Variants in TMEM41A observed in about 807,000 individuals in gnomAD.
The protein encoded by TMEM41A is transmembrane protein 41A.
Under a neutral mutation model 25.7 loss-of-function variants are expected in TMEM41A, and 20 were observed. The observed-to-expected ratio is 0.78, with a 90% confidence interval of 0.55 to 1.13. The LOEUF is 1.13. TMEM41A is among the 50% of genes most tolerant of loss of function. The pLI, the probability that TMEM41A is intolerant of heterozygous loss-of-function variation, is 0.00. For synonymous variants in TMEM41A, 133 were observed against 139.6 expected (o/e 0.95, Z 0.33); for missense variants, 299 against 314.3 (o/e 0.95, Z 0.37).
intron 2 of TMEM41A, chr3:185,496,276 C>T (rs375139805): frequency 5.7e-6 from 1 of 175,680 alleles, no homozygotes; most frequent in Non-Finnish European, 1.3e-5. Flanking sequence ...ACTACATGTC[C>T]TGTGTAATCC....
At position 185,491,482 on chromosome 3, in the gene TMEM41A, T is replaced by A; in HGVS notation, c.*55A>T. 1 of 1,425,442 alleles carries A rather than the reference T, an allele frequency of 7.0e-7. No individual in the cohort carries two copies. The highest frequency in any genetic ancestry group is 1.7e-5 in the Admixed American group (1 of 59,016). The allele number at this position is 1,425,442 out of a possible 1,614,324, so 88.3% of individuals were successfully genotyped here. A position where few individuals can be genotyped will look rare whatever the true frequency, so the allele number is the denominator to read the frequency against. On this transcript the variant is annotated 3_prime_UTR_variant, in exon 5 of 5. Coordinates refer to ENST00000421852, the MANE Select transcript of TMEM41A (RefSeq NM_080652.4). ...CAATGAGGGGCTTTAGAGGACCACA[T>A]CCATTACACAAATAAGCAACTGAGT... is the stretch of plus-strand genomic sequence containing the variant.
At chr3:185,498,133 C>T (rs1396429857) in intron 1 of TMEM41A, among the ~76,000 whole-genome samples, 1 of 136,738 alleles carries the variant, frequency 7.3e-6, no homozygotes, top group Non-Finnish European at 1.5e-5. Context: ...GCCGTGGTGG[C>T]GCGCGCCTGT....
chr3:185,494,886 C>A (rs9842763), intron 3 of TMEM41A, 125 bp from the exon 4 acceptor site: 12 of 1,223,064 alleles, frequency 9.8e-6, no homozygotes, highest in East Asian at 7.1e-5. Context: ...CAACAACCCT[C>A]CAGGGAAAGA....
At chr3:185,494,462 A>G in intron 4 of TMEM41A, 161 bp downstream of exon 4, 1 of 847,020 alleles carries the variant, frequency 1.2e-6, no homozygotes, top group Non-Finnish European at 1.7e-6. Context: ...GCCTGAGCAG[A>G]TCTGAAATCA....
At position 185,498,940 on chromosome 3, in the gene TMEM41A, G is replaced by A. The variant is rs1317392410; in HGVS notation, c.22C>T (p.Leu8Phe). 3.1e-6 allele frequency: 5 copies of A among 1,603,602 alleles called. No individual in the cohort carries two copies. Among genetic ancestry groups the A allele is most frequent in the African/African-American group, 2.7e-5 (2 of 74,680 alleles). Reference sequence around the variant, plus strand: ...AAGGTGCAGCCGGCGAAGACCAGAAGGAGGCCGAGAAGCGGGCGCATGTCG... The same window carrying A: ...AAGGTGCAGCCGGCGAAGACCAGAAAGAGGCCGAGAAGCGGGCGCATGTCG... MRPLLGL[L>F]LVFAGCTFAL... The change falls in exon 1 of 5, where the codon CTT (leucine) becomes TTT (phenylalanine). Residue 8 changes from leucine to phenylalanine, a missense_variant. Physicochemically the swap from Leu to Phe is conservative, Grantham distance 22. Transcript: ENST00000421852.
Position 185,498,717 on chromosome 3 carries a change from A to T in TMEM41A, c.119+126T>A, listed in dbSNP as rs1002535396. The T allele has an allele frequency of 9.7e-6, 7 of 719,142 alleles. No individual in the cohort carries two copies. In the African/African-American group the frequency reaches 1.3e-4, roughly 13 times the overall value. The allele number at this position is 719,142 out of a possible 1,614,324, so 44.5% of individuals were successfully genotyped here. On this transcript the variant is annotated intron_variant, in intron 1 of 4. Transcript: ENST00000421852. The stretch of plus-strand genomic sequence containing the variant: ...GATACCAGACCCGGATTCCAGTCCG[A>T]TAAGTGAACCTCAATTCCCAACGCC...
Position 185,495,204 on chromosome 3 carries a change from GTT to G in TMEM41A, c.383_384del (p.Lys128ThrfsTer9). On this transcript the variant is annotated frameshift_variant, in exon 3 of 5. Transcript: ENST00000421852. ...TCAGGAAAGTAGGACACCACCAACT[GTT>G]TGCCAAAAATACTGGAGAGCAGGTA... Reference protein sequence around the residue: ...CCYLLSSIFGKQLVVSYFPDK... With the variant: ...CCYLLSSIFGXQLVVSYFPDK... The G allele has an allele frequency of 1.2e-6, 2 of 1,613,732 alleles. No individual in the cohort carries two copies. The highest frequency in any genetic ancestry group is 1.7e-6 in the Non-Finnish European group (2 of 1,179,992).
chr3:185,491,620 G>A lies in TMEM41A; in HGVS notation c.712C>T (p.Leu238Phe). 1 of 1,614,182 alleles carries A rather than the reference G, an allele frequency of 6.2e-7. No homozygotes were observed. The part of the protein sequence containing the change: ...IAMVALIPGT[L>F]IKKFSQKHLQ... ...TGTTTCTGACTAAATTTTTTAATGA[G>A]GGTTCCAGGAATTAATGCCACCATG... The change falls in exon 5 of 5, where the codon CTC (leucine) becomes TTC (phenylalanine). Residue 238 changes from leucine (L) to phenylalanine (F), a missense_variant. Leu to Phe is a conservative substitution (Grantham distance 22). Coordinates refer to ENST00000421852, the MANE Select transcript of TMEM41A (RefSeq NM_080652.4).
chr3:185,491,463 G>T lies in TMEM41A; in HGVS notation c.*74C>A. 8.2e-7 allele frequency: 1 copy of T among 1,220,322 alleles called. No homozygotes were observed. The highest frequency in any genetic ancestry group is 2.3e-5 in the East Asian group (1 of 42,822). The allele number at this position is 1,220,322 out of a possible 1,614,324, so 75.6% of individuals were successfully genotyped here. ...TATAGAAGGCAATCAAAAACAATGA[G>T]GGGCTTTAGAGGACCACATCCATTA... On this transcript the variant is annotated 3_prime_UTR_variant, in exon 5 of 5. Transcript: ENST00000421852.
intron 2 of TMEM41A, 35 bp from the exon 3 acceptor site, chr3:185,495,350 T>C (rs758962450): frequency 1.5e-5 from 24 of 1,598,760 alleles, no homozygotes; most frequent in African/African-American, 1.5e-4. Flanking sequence ...CATGTGAACA[T>C]CTGGCAGCTA....
intron 1 of TMEM41A, 41 bp downstream of exon 1, chr3:185,498,802 G>C: frequency 6.9e-7 from 1 of 1,454,230 alleles, no homozygotes; most frequent in Non-Finnish European, 9.3e-7. Context: ...CTCGGACCCG[G>C]CTCCCTTCCT....
chr3:185,498,745 C>A, intron 1 of TMEM41A, 98 bp downstream of exon 1: 1 of 916,368 alleles, frequency 1.1e-6, no homozygotes, highest in Non-Finnish European at 1.6e-6. Context: ...CCAACGCCTC[C>A]GATACCGGAA....
rs1718957054 is a variant in TMEM41A at position 185,491,678 on chromosome 3, G to A, written c.654C>T (p.Ser218=). Residue 218 remains serine (S), a synonymous_variant, in exon 5 of 5, where the codon TCC becomes TCT. Coordinates refer to ENST00000421852, the MANE Select transcript of TMEM41A (RefSeq NM_080652.4). ...CCAACAGCTTAAAGACAGTGTCCCAGGAGAAAAGAGCATCCAGAGAGGTTA... is the reference window on the plus strand; with the variant it reads ...CCAACAGCTTAAAGACAGTGTCCCAAGAGAAAAGAGCATCCAGAGAGGTTA... The part of the protein sequence containing the change: ...STLTSLDALF[S]WDTVFKLLAI... The A allele has an allele frequency of 6.2e-7, 1 of 1,614,202 alleles. No individual in the cohort carries two copies. The highest frequency in any genetic ancestry group is 8.5e-7 in the Non-Finnish European group (1 of 1,180,042).
intron 1 of TMEM41A, 123 bp from the exon 2 acceptor site, chr3:185,497,104 G>C: frequency 8.1e-7 from 1 of 1,227,840 alleles, no homozygotes; most frequent in South Asian, 1.5e-5. Flanking sequence ...GATCTGCTGG[G>C]AACACATACA....
At chr3:185,496,475 G>T in intron 2 of TMEM41A, 1 of 350,502 alleles carries the variant, frequency 2.9e-6, no homozygotes, top group Non-Finnish European at 5.6e-6. Flanking sequence ...ACACAGGGCA[G>T]CCTCAAGGAG....
chr3:185,498,356 C>T (rs1226795150), intron 1 of TMEM41A: 1 of 153,080 alleles, frequency 6.5e-6, no homozygotes, highest in Non-Finnish European at 1.5e-5. Flanking sequence ...GTTGTCTATG[C>T]AATATTTCTC....
intron 3 of TMEM41A, 101 bp from the exon 4 acceptor site, chr3:185,494,862 G>C (rs1010191594): frequency 1.5e-6 from 2 of 1,365,282 alleles, no homozygotes; most frequent in African/African-American, 2.9e-5. Context: ...TACATAATCT[G>C]TTCCCAATTC....
chr3:185,492,255 T>A (rs1188566358), intron 4 of TMEM41A: 1 of 153,334 alleles, frequency 6.5e-6, no homozygotes. Context: ...TGAGCCAAGA[T>A]CTTACCACTG....
Position 185,498,884 on chromosome 3 carries a change from G to A in TMEM41A, c.78C>T (p.Pro26=). ...CGGTGGAGCCCAGTCTCCGCCCGCG[G>A]GGCAGTCGCGTCGACAGCAAGTACA... ...FALYLLSTRL[P]RGRRLGSTEE... is the part of the protein sequence containing the mutation. Residue 26 remains proline (P), a synonymous_variant, in exon 1 of 5, where the codon CCC becomes CCT. Coordinates refer to ENST00000421852, the MANE Select transcript of TMEM41A (RefSeq NM_080652.4). 3 of 1,606,254 alleles carry A rather than the reference G, an allele frequency of 1.9e-6. No homozygotes were observed. Among genetic ancestry groups the A allele is most frequent in the Non-Finnish European group, 8.5e-7 (1 of 1,177,210 alleles).
Sources: allele counts gnomAD v4.1 joint callset (sites outside exome capture counted in the v4.1 genomes callset), GRCh38; gene constraint gnomAD v4.1.1; transcripts MANE v1.5; gene names NCBI Gene and HGNC (gene_info 2026-07-23, HGNC 2026-07-21).